Variants in SLC7A13 observed in about 807,000 individuals in gnomAD.
SLC7A13 encodes X-amino acid transporter 2.
SLC7A13 carries 31 observed loss-of-function variants against 32.0 expected under a neutral mutation model. The ratio of observed to expected loss-of-function variants is 0.97; its 90% CI spans 0.73 to 1.31. The LOEUF (loss-of-function observed/expected upper bound fraction) is 1.31. Ranked by LOEUF, SLC7A13 falls within the 50% of genes most tolerant of loss-of-function variation. SLC7A13 has a pLI of 0.00. For synonymous variants in SLC7A13, 232 were observed against 206.9 expected (o/e 1.12, Z -1.04); for missense variants, 633 against 546.9 (o/e 1.16, Z -1.57).
chr8:86,222,002 T>TC (rs1820305100), intron 2 of SLC7A13, among the ~76,000 whole-genome samples: 1 of 152,154 alleles, frequency 6.6e-6, no homozygotes, highest in Non-Finnish European at 1.5e-5. Context: ...TTTGGTTTTT[T>TC]CCCACAGACA....
chr8:86,223,086 T>C lies in SLC7A13; in HGVS notation c.703A>G (p.Arg235Gly), dbSNP rs1448157713. 1 of 1,601,712 alleles carries C rather than the reference T, an allele frequency of 6.2e-7. No homozygotes were observed. The highest frequency in any genetic ancestry group is 8.5e-7 in the Non-Finnish European group (1 of 1,174,310). ...TLIAGELKKP[R>G]TTIPKCIFTA... ...AATATGCATTTGGGAATTGTTGTTC[T>C]GGGCTTCTTCAGCTCCCCTATAACA... The change falls in exon 2 of 4, where the codon AGA becomes GGA. Residue 235 changes from arginine to glycine, a missense_variant. By Grantham distance (125) the Arg-to-Gly change is moderately radical. Transcript: ENST00000297524.
Position 86,217,565 on chromosome 8 carries a change from A to G in SLC7A13, c.1084T>C (p.Tyr362His), listed in dbSNP as rs749130226. The G allele has an allele frequency of 6.2e-7, 1 of 1,612,980 alleles. No homozygotes were observed. Residue 362 changes from tyrosine to histidine, a missense_variant, in exon 3 of 4, where the codon TAT (tyrosine) becomes CAT (histidine). Tyr to His is a moderately conservative substitution (Grantham distance 83). Transcript: ENST00000297524. ...CATAATGAACCCGTGAAAAAAATAT[A>G]GTTTATCAAATCAATTAGACTTGTT... ...ILTSLIDLIN[Y>H]IFFTGSLWSI...
chr8:86,220,540 A>G (rs1349805460), intron 2 of SLC7A13, among the ~76,000 whole-genome samples: 2 of 152,112 alleles, frequency 1.3e-5, no homozygotes, highest in Non-Finnish European at 1.5e-5. Flanking sequence ...TTAGAATCTA[A>G]TATTTATCGC....
intron 1 of SLC7A13, among the ~76,000 whole-genome samples, chr8:86,224,597 A>G (rs1398712965): frequency 6.6e-6 from 1 of 152,194 alleles, no homozygotes; most frequent in Non-Finnish European, 1.5e-5. Flanking sequence ...ATATTGTTCC[A>G]TTCATCACAC....
Position 86,222,998 on chromosome 8 carries a change from A to G in SLC7A13, c.791T>C (p.Leu264Pro), listed in dbSNP as rs759521815. The stretch of plus-strand genomic sequence containing the variant: ...TGAAGAGAGAATTTCCCTGGGTGTC[A>G]GAACAGTCAGATAGGAAATGTTAAC... ...LLVNISYLTVLTPREILSSDA... is the reference protein window; with the variant it reads ...LLVNISYLTVPTPREILSSDA... The change falls in exon 2 of 4, where the codon CTG (leucine) becomes CCG (proline). Residue 264 changes from leucine to proline, a missense_variant. By Grantham distance (98) the Leu-to-Pro change is moderately conservative. Transcript: ENST00000297524. 1 of 1,607,632 alleles carries G rather than the reference A, an allele frequency of 6.2e-7. No individual in the cohort carries two copies. Among genetic ancestry groups the G allele is most frequent in the South Asian group, 1.1e-5 (1 of 89,668 alleles).
chr8:86,221,432 C>T (rs1430126711), intron 2 of SLC7A13, among the ~76,000 whole-genome samples: 1 of 152,074 alleles, frequency 6.6e-6, no homozygotes, highest in East Asian at 1.9e-4. Context: ...GTACAATAAA[C>T]ACGCAGATAT....
At chr8:86,228,219 T>C (rs1294906060) in intron 1 of SLC7A13, among the ~76,000 whole-genome samples, 1 of 152,206 alleles carries the variant, frequency 6.6e-6, no homozygotes, top group Non-Finnish European at 1.5e-5. Context: ...TGCCCAGTGC[T>C]GTCATTGCAG....
chr8:86,228,979 C>T (rs1820438375), intron 1 of SLC7A13, among the ~76,000 whole-genome samples: 1 of 152,154 alleles, frequency 6.6e-6, no homozygotes. Flanking sequence ...TCACACCCAG[C>T]CCTATTTTAA....
intron 2 of SLC7A13, 29 bp downstream of exon 2, chr8:86,222,943 T>G (rs758631483): frequency 6.4e-7 from 1 of 1,561,860 alleles, no homozygotes; most frequent in Non-Finnish European, 8.6e-7. Flanking sequence ...CAGCACTTTA[T>G]TTATTGCTTT....
chr8:86,227,096 T>C (rs2129807212), intron 1 of SLC7A13, among the ~76,000 whole-genome samples: 1 of 152,324 alleles, frequency 6.6e-6, no homozygotes, highest in East Asian at 1.9e-4. Flanking sequence ...ATCTAGGTAT[T>C]GCCTCTTCTA....
intron 1 of SLC7A13, 134 bp downstream of exon 1, chr8:86,229,459 G>T (rs1820443971): frequency 2.4e-6 from 2 of 848,676 alleles, no homozygotes; most frequent in Non-Finnish European, 3.6e-6. Context: ...AGGCTGGCAT[G>T]ATCTGATTCA....
At chr8:86,223,365 T>G (rs1820337202) in intron 1 of SLC7A13, among the ~76,000 whole-genome samples, 2 of 152,178 alleles carry the variant, frequency 1.3e-5, no homozygotes, top group Non-Finnish European at 2.9e-5. Flanking sequence ...ATCATTTTAC[T>G]CTCTACATCC....
chr8:86,221,789 C>A (rs938071770), intron 2 of SLC7A13, among the ~76,000 whole-genome samples: 2 of 152,168 alleles, frequency 1.3e-5, no homozygotes, highest in African/African-American at 2.4e-5. Context: ...ATCATTATTA[C>A]ACCGAAGGAG....
Position 86,230,159 on chromosome 8 carries a change from G to A in SLC7A13, c.119C>T (p.Ala40Val), listed in dbSNP as rs1173254647. 1.2e-6 allele frequency: 2 copies of A among 1,614,172 alleles called. No individual in the cohort carries two copies. The highest frequency in any genetic ancestry group is 3.3e-5 in the Admixed American group (2 of 60,012). Residue 40 changes from alanine (A) to valine (V), a missense_variant, in exon 1 of 4, where the codon GCA (alanine) becomes GTA (valine). By Grantham distance (64) the Ala-to-Val change is moderately conservative (BLOSUM62 0). Transcript: ENST00000297524. ...GACTCCCACGTTCATGCAAGAGTAT[G>A]CCAACACACCTTTGGGGGACACAAA... is the stretch of plus-strand genomic sequence containing the variant. ...GIFVSPKGVL[A>V]YSCMNVGVSL...
intron 1 of SLC7A13, among the ~76,000 whole-genome samples, chr8:86,223,418 A>G (rs997614538): frequency 6.6e-6 from 1 of 152,070 alleles, no homozygotes; most frequent in African/African-American, 2.4e-5. Context: ...AGAAGGTATA[A>G]TATTTCTTTC....
chr8:86,217,309 TA>T (rs1820200655), intron 3 of SLC7A13, among the ~76,000 whole-genome samples, 160 bp downstream of exon 3: 1 of 152,124 alleles, frequency 6.6e-6, no homozygotes, highest in African/African-American at 2.4e-5. Context: ...ACCTAGCCAA[TA>T]AAAACGAAAA....
At position 86,217,757 on chromosome 8, in the gene SLC7A13, A is replaced by T. The variant is rs1304635632; in HGVS notation, c.892T>A (p.Ser298Thr). Residue 298 changes from serine to threonine, a missense_variant, in exon 3 of 4, where the codon TCA becomes ACA. Ser to Thr is a moderately conservative substitution (Grantham distance 58). Coordinates refer to ENST00000297524, the MANE Select transcript of SLC7A13 (RefSeq NM_138817.3). The stretch of plus-strand genomic sequence containing the variant: ...GAAATCAGAAGGTTGCTAAATAATG[A>T]GGTAGAAATAGCAAAAGGCATAATC... Reference protein sequence around the residue: ...AWIMPFAISTSLFSNLLISIF... With the variant: ...AWIMPFAISTTLFSNLLISIF... 1 of 1,613,000 alleles carries T rather than the reference A, an allele frequency of 6.2e-7. No individual in the cohort carries two copies. Among genetic ancestry groups the T allele is most frequent in the African/African-American group, 1.3e-5 (1 of 74,954 alleles).
Position 86,230,097 on chromosome 8 carries a change from T to C in SLC7A13, c.181A>G (p.Met61Val). 1 of 1,614,170 alleles carries C rather than the reference T, an allele frequency of 6.2e-7. No homozygotes were observed. Among genetic ancestry groups the C allele is most frequent in the Non-Finnish European group, 8.5e-7 (1 of 1,180,038 alleles). Residue 61 changes from methionine (M) to valine (V), a missense_variant, in exon 1 of 4, where the codon ATG becomes GTG. Transcript: ENST00000297524. Reference protein sequence around the residue: ...CVWAGCAILAMTSTLCSAEIS... With the variant: ...CVWAGCAILAVTSTLCSAEIS... ...TCTGCAGAGCAAAGAGTTGATGTCA[T>C]GGCCAGTATGGCACAGCCAGCCCAA...
chr8:86,219,108 T>G (rs1820244619), intron 2 of SLC7A13, among the ~76,000 whole-genome samples: 1 of 152,202 alleles, frequency 6.6e-6, no homozygotes, highest in Non-Finnish European at 1.5e-5. Context: ...ATTCTACAAC[T>G]TTGGATCTTT....
Sources: gnomAD v4.1 joint callset for allele counts (sites outside exome capture counted in the v4.1 genomes callset) on GRCh38, gnomAD v4.1.1 for gene constraint, MANE v1.5 for transcripts, NCBI Gene and HGNC (gene_info 2026-07-23, HGNC 2026-07-21) for gene names.